The following OCA2 variants were observed in gnomAD, a reference collection of about 807,000 sequenced individuals.
OCA2 encodes OCA2 melanosomal transmembrane protein, also known as P protein.
In OCA2, 77 loss-of-function variants were observed where a neutral mutation model predicts 100.2. The observed-to-expected ratio is 0.77, with a 90% CI of 0.64 to 0.93. OCA2 has a LOEUF of 0.93. OCA2 is among the 40% of genes least tolerant of loss of function. The pLI is 0.00. For missense variants in OCA2, 1,062 were observed against 1,089.1 expected, an observed-to-expected ratio of 0.98 and a Z score of 0.35; for synonymous variants, 432 against 439.2, an observed-to-expected ratio of 0.98 and a Z score of 0.21.
chr15:28,096,558 A>C (rs2141982934), intron 1 of OCA2, among the ~76,000 whole-genome samples: 1 of 152,256 alleles, frequency 6.6e-6, no homozygotes. Context: ...GGGCTGAGAC[A>C]GGGGTGTCCC....
chr15:27,890,762 C>T (rs2037423430), intron 19 of OCA2, among the ~76,000 whole-genome samples: 1 of 151,976 alleles, frequency 6.6e-6, no homozygotes, highest in South Asian at 2.1e-4. Context: ...GTGTGGTGGC[C>T]CACACCTGTA....
At chr15:27,825,009 T>C (rs910550517) in intron 23 of OCA2, among the ~76,000 whole-genome samples, 44 of 152,228 alleles carry the variant, frequency 2.9e-4, no homozygotes, top group African/African-American at 1.1e-3. Context: ...AATTAGGAAC[T>C]TAGCAGTTTT....
chr15:27,861,983 T>G lies in OCA2; in HGVS notation c.2244+9171A>C, dbSNP rs914027003. On this transcript the variant is annotated intron_variant, in intron 21 of 23. Coordinates refer to ENST00000354638, the MANE Select transcript of OCA2 (RefSeq NM_000275.3). ...CACCCGGAATGCAGCCAGGATGCACTGGGTGGCCACGGCGTCACGTGGAAA... is the reference window on the plus strand; with the variant it reads ...CACCCGGAATGCAGCCAGGATGCACGGGGTGGCCACGGCGTCACGTGGAAA... 4.6e-5 allele frequency among the ~76,000 whole-genome samples: 7 copies of G among 152,218 alleles called. No homozygotes were observed. The East Asian group carries it at 1.3e-3, about 29-fold the overall frequency.
intron 23 of OCA2, among the ~76,000 whole-genome samples, chr15:27,800,282 C>G (rs2033538776): frequency 6.6e-6 from 1 of 151,480 alleles, no homozygotes; most frequent in African/African-American, 2.4e-5. Flanking sequence ...CAGCTTCCAT[C>G]TGAAAAAACT....
the OCA2 span, among the ~76,000 whole-genome samples, chr15:27,719,983 G>A: frequency 1.3e-5 from 2 of 152,026 alleles, no homozygotes; most frequent in Non-Finnish European, 2.9e-5. Context: ...CTCACATACT[G>A]GTATAGATTT....
intron 2 of OCA2, among the ~76,000 whole-genome samples, chr15:28,067,390 A>T (rs1008904170): frequency 2.6e-5 from 4 of 151,738 alleles, no homozygotes; most frequent in Non-Finnish European, 5.9e-5. Flanking sequence ...ATTTCTTTGG[A>T]TTGGTTTGTT....
chr15:27,904,881 G>C (rs751592727), intron 19 of OCA2, among the ~76,000 whole-genome samples: 4 of 152,178 alleles, frequency 2.6e-5, no homozygotes, highest in Admixed American at 6.5e-5. Flanking sequence ...CGGCAACACG[G>C]GGCTGGGCAT....
At chr15:27,834,602 T>A (rs1445109677) in intron 23 of OCA2, among the ~76,000 whole-genome samples, 3 of 152,200 alleles carry the variant, frequency 2.0e-5, no homozygotes, top group Admixed American at 2.0e-4. Context: ...TGATGAGGGA[T>A]GGAGCCCTTA....
Position 27,951,816 on chromosome 15 carries a change from T to C in OCA2, c.1919A>G (p.Asn640Ser), listed in dbSNP as rs1035017790. Reference sequence around the variant, plus strand: ...AAGATGAATGCCAGGGACAAACGAATTGAGGAAAAACATGAAGATAACAAA... The same window carrying C: ...AAGATGAATGCCAGGGACAAACGAACTGAGGAAAAACATGAAGATAACAAA... ...LGFVIFMFFL[N>S]SFVPGIHLDL... Residue 640 changes from asparagine (N) to serine (S), a missense_variant, in exon 18 of 24, where the codon AAT becomes AGT. By Grantham distance (46) the Asn-to-Ser change is conservative. Transcript: ENST00000354638. 6.2e-7 allele frequency: 1 copy of C among 1,613,562 alleles called. No individual in the cohort carries two copies. Among genetic ancestry groups the C allele is most frequent in the Non-Finnish European group, 8.5e-7 (1 of 1,179,650 alleles).
chr15:28,081,955 C>T (rs1305004981), intron 1 of OCA2, 60 bp from the exon 2 acceptor site: 4 of 1,347,282 alleles, frequency 3.0e-6, no homozygotes, highest in Non-Finnish European at 4.1e-6. Flanking sequence ...AACGTTTGCA[C>T]CTTGGGAGTC....
rs1158730024 is a variant in OCA2, at chr15:28,024,846, G to A, written c.572C>T (p.Ser191Phe). 2 of 1,614,078 alleles carry A rather than the reference G, an allele frequency of 1.2e-6. No individual in the cohort carries two copies. The highest frequency in any genetic ancestry group is 1.7e-5 in the Admixed American group (1 of 60,012). ...TGCTGGGGCAGCTAAGGTACTCACA[G>A]AACACAGCACCACAAAGGCAAACAG... ...MGLFAFVVLCSILFSLYPDQG... is the reference protein window; with the variant it reads ...MGLFAFVVLCFILFSLYPDQG... The change falls in exon 5 of 24, where the codon TCT becomes TTT. Residue 191 changes from serine to phenylalanine, a missense_variant and splice_region_variant. Physicochemically the swap from Ser to Phe is radical, Grantham distance 155. Coordinates refer to ENST00000354638, the MANE Select transcript of OCA2 (RefSeq NM_000275.3).
At position 27,823,398 on chromosome 15, in the gene OCA2, ATTATAGTG is replaced by A. The variant is rs1245106517; in HGVS notation, c.2432+21553_2432+21560del. Among the ~76,000 whole-genome samples the A allele has an allele frequency of 1.8e-4, 7 of 39,416 alleles. No homozygotes were observed. The South Asian group carries it at 0.02, about 115-fold the overall frequency. 25.9% of individuals were successfully genotyped at this position (39,416 alleles called of 152,430 possible). On this transcript the variant is annotated intron_variant, in intron 23 of 23. Coordinates refer to ENST00000354638, the MANE Select transcript of OCA2 (RefSeq NM_000275.3). ...ATTTGTATAAATAAGTCATATGCCGATTATAGTGATTATGTTATTTGCTGTTATAACTG... is the reference window on the plus strand; with the variant it reads ...ATTTGTATAAATAAGTCATATGCCGAATTATGTTATTTGCTGTTATAACTG...
chr15:28,027,886 C>CG lies in OCA2; in HGVS notation c.499dup (p.Arg167ProfsTer54). On this transcript the variant is annotated frameshift_variant, in exon 4 of 24. Transcript: ENST00000354638. LOFTEE classifies it high-confidence loss of function. ...GTCCGCCTACCTCAGCTTGGAAAGACGGAGTCGGATGTGCGGGCTGTCCAG... is the reference window on the plus strand; with the variant it reads ...GTCCGCCTACCTCAGCTTGGAAAGACGGGAGTCGGATGTGCGGGCTGTCCAG... 6.2e-7 allele frequency: 1 copy of CG among 1,613,186 alleles called. No individual in the cohort carries two copies.
chr15:27,885,065 G>A (rs1180781685), intron 19 of OCA2, among the ~76,000 whole-genome samples: 2 of 152,036 alleles, frequency 1.3e-5, no homozygotes, highest in Admixed American at 1.3e-4. Context: ...CATTTCTCAA[G>A]ACAGTTAAGA....
intron 18 of OCA2, 98 bp downstream of exon 18, chr15:27,951,686 G>A (rs766308123): frequency 1.7e-4 from 151 of 891,172 alleles, no homozygotes; most frequent in African/African-American, 5.3e-4. Flanking sequence ...CCACCAGCCC[G>A]GCTGCCTGTG....
At chr15:27,800,963 C>T (rs2033577322) in intron 23 of OCA2, among the ~76,000 whole-genome samples, 1 of 152,036 alleles carries the variant, frequency 6.6e-6, no homozygotes. Flanking sequence ...TGAGACCCTA[C>T]CTCGAAAAAC....
intron 8 of OCA2, among the ~76,000 whole-genome samples, chr15:28,015,223 C>T (rs926736620): frequency 1.3e-5 from 2 of 152,176 alleles, no homozygotes; most frequent in African/African-American, 4.8e-5. Context: ...CTGGCTCTTC[C>T]TCCTCCCCAA....
At chr15:28,076,663 A>C (rs566997020) in intron 2 of OCA2, among the ~76,000 whole-genome samples, 1 of 151,222 alleles carries the variant, frequency 6.6e-6, no homozygotes, top group East Asian at 2.0e-4. Flanking sequence ...CTGGCTAACA[A>C]GGTGAAACCC....
intron 8 of OCA2, 21 bp from the exon 9 acceptor site, chr15:28,014,950 CT>C (rs776916466): frequency 2.9e-5 from 47 of 1,613,750 alleles, no homozygotes; most frequent in Non-Finnish European, 4.0e-5. Context: ...AAACAACGAC[CT>C]TACTGTTCAC....
Sources: gnomAD v4.1 joint callset for allele counts (sites outside exome capture counted in the v4.1 genomes callset) on GRCh38, gnomAD v4.1.1 for gene constraint, MANE v1.5 for transcripts, NCBI Gene and HGNC (gene_info 2026-07-23, HGNC 2026-07-21) for gene names.